Variants in FCRL1 observed in about 807,000 individuals in gnomAD.
The protein encoded by FCRL1 is Fc receptor like 1.
In FCRL1, 34 loss-of-function variants were observed where a neutral mutation model predicts 49.2. The observed-to-expected ratio is 0.69, with a 90% CI of 0.53 to 0.92. The LOEUF is 0.92. FCRL1 is among the 40% of genes least tolerant of loss of function. The probability of loss-of-function intolerance (pLI) is 0.00; values close to 1 mark genes in which losing one functional copy is unlikely to be tolerated. For missense variants in FCRL1, 524 were observed against 524.1 expected, an observed-to-expected ratio of 1.00 and a Z score of 0.00; for synonymous variants, 218 against 201.6, an observed-to-expected ratio of 1.08 and a Z score of -0.69.
chr1:157,804,271 T>A, intron 2 of FCRL1, 160 bp from the exon 3 acceptor site: 2 of 779,744 alleles, frequency 2.6e-6, no homozygotes, highest in Non-Finnish European at 4.0e-6. Context: ...GCCCATGGGC[T>A]TTCCTTTGCC....
chr1:157,801,420 A>C, intron 6 of FCRL1, 41 bp downstream of exon 6: 1 of 1,268,902 alleles, frequency 7.9e-7, no homozygotes, highest in South Asian at 1.2e-5. Context: ...AGTGAAAACA[A>C]AGATCACAGT....
In FCRL1 at chr1:157,800,894, CGTTT is replaced by C. The variant is rs200178281; in HGVS notation, c.1003+563_1003+566del. On this transcript the variant is annotated intron_variant, in intron 6 of 10. Transcript: ENST00000368176. ...GCAGATTATGTTAAATAGTTACATT[CGTTT>C]GTTTGTTTGTTTGAGACAGAGTCTC... Among the ~76,000 whole-genome samples the C allele has an allele frequency of 7.8e-3, 1,184 of 151,206 alleles. 13 individuals are homozygous for C. Among genetic ancestry groups the C allele is most frequent in the Non-Finnish European group, 0.011 (752 of 67,770 alleles).
At chr1:157,803,653 T>G (rs1652908187) in intron 3 of FCRL1, among the ~76,000 whole-genome samples, 192 bp downstream of exon 3, 1 of 152,184 alleles carries the variant, frequency 6.6e-6, no homozygotes, top group African/African-American at 2.4e-5. Context: ...TCCTAAGTAC[T>G]CTCTGTTTGC....
At chr1:157,801,631 A>C in intron 5 of FCRL1, 54 bp from the exon 6 acceptor site, 1 of 1,276,366 alleles carries the variant, frequency 7.8e-7, no homozygotes, top group Non-Finnish European at 1.1e-6. Context: ...TGGGGCTTAG[A>C]GAGCAGACAT....
intron 2 of FCRL1, among the ~76,000 whole-genome samples, chr1:157,804,829 T>C (rs546544489): frequency 2.6e-5 from 4 of 151,844 alleles, no homozygotes; most frequent in African/African-American, 7.3e-5. Flanking sequence ...ATGTGTCCCT[T>C]TGGGGTGTTA....
chr1:157,807,141 G>C lies in FCRL1; in HGVS notation c.32-19C>G, dbSNP rs113573510. 38 of 1,613,670 alleles carry C rather than the reference G, an allele frequency of 2.4e-5. No individual in the cohort carries two copies. In the African/African-American group the frequency reaches 2.5e-4, roughly 11 times the overall value. On this transcript the variant is annotated intron_variant, in intron 1 of 10. Transcript: ENST00000368176. ...AGTGGAGCTGGGAGAGAATTCAGCA[G>C]AGATCAGTACAGAGCAGCAAATCCC...
At chr1:157,818,084 G>C (rs988151110) in intron 1 of FCRL1, among the ~76,000 whole-genome samples, 3 of 152,160 alleles carry the variant, frequency 2.0e-5, no homozygotes, top group Admixed American at 2.0e-4. Context: ...AGCCATTATG[G>C]AAGACAGTAT....
chr1:157,798,554 C>A (rs1173672525), intron 7 of FCRL1, among the ~76,000 whole-genome samples: 1 of 151,820 alleles, frequency 6.6e-6, no homozygotes, highest in Non-Finnish European at 1.5e-5. Flanking sequence ...TGATTCACTC[C>A]AGATGGAAAA....
intron 2 of FCRL1, 67 bp from the exon 3 acceptor site, chr1:157,804,178 T>C: frequency 1.9e-6 from 3 of 1,568,524 alleles, no homozygotes; most frequent in Non-Finnish European, 2.6e-6. Flanking sequence ...GCAGTTTGTG[T>C]CTCAGCACTT....
rs1252036665 is a variant in FCRL1 at position 157,820,078 on chromosome 1, C to CA, written c.-42dup. On this transcript the variant is annotated 5_prime_UTR_variant, in exon 1 of 11. It introduces an in-frame stop codon into an upstream open reading frame of the 5' UTR. Transcript: ENST00000368176. ...GATGGTACCTAGAGATGCCTCTCAT[C>CA]AAAAAAAGAATGCACCTCAGAGTCG... The CA allele has an allele frequency of 1.9e-6, 3 of 1,612,240 alleles. No individual in the cohort carries two copies. The highest frequency in any genetic ancestry group is 1.1e-5 in the South Asian group (1 of 90,992).
At chr1:157,814,239 G>A (rs1654729923) in intron 1 of FCRL1, among the ~76,000 whole-genome samples, 1 of 152,010 alleles carries the variant, frequency 6.6e-6, no homozygotes, top group Non-Finnish European at 1.5e-5. Context: ...CTACTATGAT[G>A]GTTAAAAGTC....
At chr1:157,801,703 G>A in intron 5 of FCRL1, 126 bp from the exon 6 acceptor site, 1 of 874,682 alleles carries the variant, frequency 1.1e-6, no homozygotes, top group Non-Finnish European at 1.8e-6. Flanking sequence ...ATTTGTCTAG[G>A]GACTTGTGGC....
Position 157,796,079 on chromosome 1 carries a change from G to C in FCRL1, c.*20C>G, listed in dbSNP as rs763877003. ...CTTGGGGTCATGGATGGTTTTCAAA[G>C]AGCAGAATCTTCCATAACCTTACAT... On this transcript the variant is annotated 3_prime_UTR_variant, in exon 11 of 11. Transcript: ENST00000368176. 9 of 1,608,734 alleles carry C rather than the reference G, an allele frequency of 5.6e-6. No individual in the cohort carries two copies. The highest frequency in any genetic ancestry group is 7.7e-6 in the Non-Finnish European group (9 of 1,175,236).
In FCRL1 at chr1:157,796,003, T is replaced by C. The variant is rs965727395; in HGVS notation, c.*96A>G. ...TGGAGAATGGCATCCAGAAGAGGTATACTGGAAAGCTAATGCCCCAGGATC... is the reference window on the plus strand; with the variant it reads ...TGGAGAATGGCATCCAGAAGAGGTACACTGGAAAGCTAATGCCCCAGGATC... On this transcript the variant is annotated 3_prime_UTR_variant, in exon 11 of 11. Coordinates refer to ENST00000368176, the MANE Select transcript of FCRL1 (RefSeq NM_052938.5). The C allele has an allele frequency of 9.9e-7, 1 of 1,007,190 alleles. No homozygotes were observed. 62.4% of individuals were successfully genotyped at this position (1,007,190 alleles called of 1,614,324 possible).
At chr1:157,803,801 C>T in intron 3 of FCRL1, 44 bp downstream of exon 3, 1 of 1,596,338 alleles carries the variant, frequency 6.3e-7, no homozygotes, top group East Asian at 2.2e-5. Flanking sequence ...CTTGCCACTG[C>T]CCTTCTCAGC....
At chr1:157,807,212 C>T (rs1653620982) in intron 1 of FCRL1, 90 bp from the exon 2 acceptor site, 2 of 1,370,956 alleles carry the variant, frequency 1.5e-6, no homozygotes, top group African/African-American at 2.9e-5. Context: ...CCCAACACCA[C>T]ACCCTCCATC....
chr1:157,812,521 T>C (rs1005777215), intron 1 of FCRL1, among the ~76,000 whole-genome samples: 1 of 152,202 alleles, frequency 6.6e-6, no homozygotes, highest in Non-Finnish European at 1.5e-5. Flanking sequence ...TCCCAGTATC[T>C]GAGCCTTTGG....
In FCRL1 at chr1:157,803,941, C is replaced by T; in HGVS notation, c.223G>A (p.Ala75Thr). Reference sequence around the variant, plus strand: ...GACCCTGTGTCTTCTTTCCACATGGCAGCGATCTGGAGCTTGGGGGAGCTG... The same window carrying T: ...GACCCTGTGTCTTCTTTCCACATGGTAGCGATCTGGAGCTTGGGGGAGCTG... ...WSSSPKLQIA[A>T]MWKEDTGSYW... Residue 75 changes from alanine (A) to threonine (T), a missense_variant, in exon 3 of 11, where the codon GCC (alanine) becomes ACC (threonine). Ala to Thr is a moderately conservative substitution (Grantham distance 58). Coordinates refer to ENST00000368176, the MANE Select transcript of FCRL1 (RefSeq NM_052938.5). 1.9e-6 allele frequency: 3 copies of T among 1,614,188 alleles called. No homozygotes were observed. The highest frequency in any genetic ancestry group is 2.5e-6 in the Non-Finnish European group (3 of 1,180,038).
Position 157,804,250 on chromosome 1 carries a change from C to CCCG in FCRL1, c.53-140_53-139insCGG, listed in dbSNP as rs1553215552. On this transcript the variant is annotated intron_variant, in intron 2 of 10. Transcript: ENST00000368176. ...CAGGCCACCCTACATGTCTCCACCC[C>CCCG]CCCCCCAGTGGCCCATGGGCTTTCC... 5.1e-6 allele frequency: 5 copies of CCCG among 977,158 alleles called. No homozygotes were observed. The African/African-American group carries it at 8.5e-5, about 17-fold the overall frequency. The allele number at this position is 977,158 out of a possible 1,614,324, so 60.5% of individuals were successfully genotyped here.
Sources: gnomAD v4.1 joint callset for allele counts (sites outside exome capture counted in the v4.1 genomes callset) on GRCh38, gnomAD v4.1.1 for gene constraint, MANE v1.5 for transcripts, NCBI Gene and HGNC (gene_info 2026-07-23, HGNC 2026-07-21) for gene names.